Variants in EPB41L4A observed in about 807,000 individuals in gnomAD.
EPB41L4A encodes erythrocyte membrane protein band 4.1 like 4A.
In EPB41L4A, 100 loss-of-function variants were observed where a neutral mutation model predicts 108.6. The ratio of observed to expected loss-of-function variants is 0.92; its 90% confidence interval spans 0.78 to 1.09. EPB41L4A has a LOEUF of 1.09. EPB41L4A is among the 50% of genes least tolerant of loss of function. The probability of loss-of-function intolerance (pLI) is 0.00; values close to 1 mark genes in which losing one functional copy is unlikely to be tolerated. For synonymous variants in EPB41L4A, 319 were observed against 289.0 expected, an observed-to-expected ratio of 1.10 and a Z score of -1.05; for missense variants, 1,030 against 842.7, an observed-to-expected ratio of 1.22 and a Z score of -2.75.
At chr5:112,181,174 G>A (rs141248926) in intron 18 of EPB41L4A, among the ~76,000 whole-genome samples, 4,994 of 152,214 alleles carry the variant, frequency 0.033, 316 homozygotes, top group African/African-American at 0.11. Flanking sequence ...ACATGTGGCC[G>A]GGCGTGGTGG....
intron 1 of EPB41L4A, among the ~76,000 whole-genome samples, chr5:112,408,695 A>AGGCC (rs1762233738): frequency 8.7e-6 from 1 of 115,050 alleles, no homozygotes; most frequent in African/African-American, 3.4e-5. Flanking sequence ...AAAAAAAAAA[A>AGGCC]AAAAAAAAAA....
At chr5:112,252,207 A>C (rs750270337) in intron 9 of EPB41L4A, among the ~76,000 whole-genome samples, 4 of 152,164 alleles carry the variant, frequency 2.6e-5, no homozygotes, top group Non-Finnish European at 4.4e-5. Flanking sequence ...CAATATGTGT[A>C]TGCTTATATG....
intron 17 of EPB41L4A, among the ~76,000 whole-genome samples, chr5:112,188,884 A>G (rs1761552615): frequency 6.6e-6 from 1 of 152,238 alleles, no homozygotes; most frequent in Non-Finnish European, 1.5e-5. Flanking sequence ...ACCACTCCCA[A>G]AACAAAATCC....
chr5:112,290,955 A>T (rs1281494649), intron 2 of EPB41L4A, among the ~76,000 whole-genome samples: 1 of 152,136 alleles, frequency 6.6e-6, no homozygotes, highest in Non-Finnish European at 1.5e-5. Flanking sequence ...TCTCATCTGC[A>T]ATTACAGTCT....
intron 15 of EPB41L4A, among the ~76,000 whole-genome samples, chr5:112,198,877 T>A (rs1762089356): frequency 6.6e-6 from 1 of 152,214 alleles, no homozygotes; most frequent in South Asian, 2.1e-4. Flanking sequence ...GAAATTTTTA[T>A]TTCTTATATT....
intron 4 of EPB41L4A, among the ~76,000 whole-genome samples, chr5:112,273,545 A>C (rs1752415459): frequency 6.6e-6 from 1 of 152,238 alleles, no homozygotes; most frequent in South Asian, 2.1e-4. Flanking sequence ...AAAAGGATAG[A>C]ATGAAATAAG....
chr5:112,249,734 G>C (rs907647777), intron 9 of EPB41L4A: 1 of 152,136 alleles, frequency 6.6e-6, no homozygotes, highest in African/African-American at 2.4e-5. Context: ...ATTCTTTCCA[G>C]TCTTTACACA....
chr5:112,399,364 C>T (rs1232742104), intron 1 of EPB41L4A, among the ~76,000 whole-genome samples: 1 of 152,132 alleles, frequency 6.6e-6, no homozygotes, highest in East Asian at 1.9e-4. Context: ...ACAACCATAT[C>T]CTCCCAGACC....
At chr5:112,343,714 G>A (rs528060226) in intron 1 of EPB41L4A, among the ~76,000 whole-genome samples, 1 of 151,878 alleles carries the variant, frequency 6.6e-6, no homozygotes, top group South Asian at 2.1e-4. Context: ...ATGAGTAGGA[G>A]TATCTAGCAA....
At chr5:112,417,016 A>G (rs1762757132) in intron 1 of EPB41L4A, among the ~76,000 whole-genome samples, 1 of 152,252 alleles carries the variant, frequency 6.6e-6, no homozygotes, top group Admixed American at 6.5e-5. Flanking sequence ...CTTTTGTGAC[A>G]AGGACAGAGG....
At chr5:112,156,595 C>A (rs1157636528) in intron 12 of EPB41L4A, among the ~76,000 whole-genome samples, 8 of 152,230 alleles carry the variant, frequency 5.3e-5, no homozygotes, top group Non-Finnish European at 1.0e-4. Context: ...AAATGCTAAT[C>A]TCCTCTGGAA....
At chr5:112,346,464 C>T (rs913061111) in intron 1 of EPB41L4A, among the ~76,000 whole-genome samples, 1 of 151,982 alleles carries the variant, frequency 6.6e-6, no homozygotes, top group Non-Finnish European at 1.5e-5. Context: ...CTTTGTGATC[C>T]ACCCACCTTA....
chr5:112,148,167 A>AT (rs1759335494), intron 12 of EPB41L4A, among the ~76,000 whole-genome samples: 1 of 147,886 alleles, frequency 6.8e-6, no homozygotes, highest in Admixed American at 6.8e-5. Flanking sequence ...TAATAGTATT[A>AT]CTATATAATA....
At chr5:112,337,435 T>A in intron 1 of EPB41L4A, among the ~76,000 whole-genome samples, 2 of 152,180 alleles carry the variant, frequency 1.3e-5, no homozygotes, top group East Asian at 3.9e-4. Flanking sequence ...ATTGCTAACA[T>A]TTATTGAACA....
chr5:112,216,184 T>C (rs1747626018), intron 12 of EPB41L4A, among the ~76,000 whole-genome samples: 1 of 152,228 alleles, frequency 6.6e-6, no homozygotes, highest in Non-Finnish European at 1.5e-5. Flanking sequence ...AGGATCTATT[T>C]AGCTACTTTA....
At chr5:112,211,321 C>G (rs138789785) in intron 12 of EPB41L4A, among the ~76,000 whole-genome samples, 5,951 of 152,238 alleles carry the variant, frequency 0.039, 158 homozygotes, top group Middle Eastern at 0.068. Context: ...CAGTGGCTCA[C>G]GCCTGTCATC....
At chr5:112,251,669 G>A (rs1750682669) in intron 9 of EPB41L4A, among the ~76,000 whole-genome samples, 2 of 152,170 alleles carry the variant, frequency 1.3e-5, no homozygotes, top group South Asian at 4.1e-4. Flanking sequence ...GGAACAGGGT[G>A]GAAGGAAAAT....
At chr5:112,395,410 A>C (rs1761262088) in intron 1 of EPB41L4A, among the ~76,000 whole-genome samples, 1 of 152,226 alleles carries the variant, frequency 6.6e-6, no homozygotes, top group African/African-American at 2.4e-5. Flanking sequence ...GAAAAAACAA[A>C]CAACCCCATC....
intron 1 of EPB41L4A, among the ~76,000 whole-genome samples, chr5:112,392,527 CAAG>C (rs1226344238): frequency 6.7e-6 from 1 of 150,096 alleles, no homozygotes; most frequent in Admixed American, 6.6e-5. Context: ...ATCAATTCAA[CAAG>C]AAGAGCTAAC....
Sources: allele counts gnomAD v4.1 joint callset (sites outside exome capture counted in the v4.1 genomes callset), GRCh38; gene constraint gnomAD v4.1.1; transcripts MANE v1.5; gene names NCBI Gene and HGNC (gene_info 2026-07-23, HGNC 2026-07-21).